Variants in PTCH1 observed in about 807,000 individuals in gnomAD.
PTCH1 encodes patched 1.
PTCH1 carries 14 observed loss-of-function variants against 144.6 expected under a neutral mutation model. The observed-to-expected ratio is 0.10, with a 90% CI of 0.06 to 0.15. PTCH1 has a LOEUF of 0.15. Among genes scored for constraint, PTCH1 ranks in the 10% least tolerant of loss-of-function variants. The probability of loss-of-function intolerance (pLI) is 1.00; values close to 1 mark genes in which losing one functional copy is unlikely to be tolerated. For synonymous variants in PTCH1, 833 were observed against 793.6 expected (o/e 1.05, Z -0.83); for missense variants, 1,623 against 1,948.3 (o/e 0.83, Z 3.14).
intron 12 of PTCH1, 83 bp downstream of exon 12, chr9:95,475,951 C>A (rs1039429741): frequency 1.7e-5 from 27 of 1,596,778 alleles, no homozygotes; most frequent in Non-Finnish European, 2.3e-5. Context: ...AACTGAAGTG[C>A]CTTAGCAGAG....
At chr9:95,499,980 G>A (rs979431730) in intron 2 of PTCH1, among the ~76,000 whole-genome samples, 1 of 151,956 alleles carries the variant, frequency 6.6e-6, no homozygotes, top group Non-Finnish European at 1.5e-5. Flanking sequence ...CAGCTTGCCC[G>A]AGTGGACAGA....
Position 95,446,227 on chromosome 9 carries a change from A to G in PTCH1, c.*166T>C. 1 of 392,404 alleles carries G rather than the reference A, an allele frequency of 2.5e-6. No homozygotes were observed. Among genetic ancestry groups the G allele is most frequent in the South Asian group, 1.9e-5 (1 of 52,144 alleles). The allele number at this position is 392,404 out of a possible 1,614,324, so 24.3% of individuals were successfully genotyped here. A position where few individuals can be genotyped will look rare whatever the true frequency, so the allele number is the denominator to read the frequency against. On this transcript the variant is annotated 3_prime_UTR_variant, in exon 24 of 24. Transcript: ENST00000331920. ...TGTACATCTCTTAAATATTTATAGA[A>G]ATATTTAACAAAATAATACAATCGG...
intron 12 of PTCH1, among the ~76,000 whole-genome samples, chr9:95,470,184 T>G (rs1475148759): frequency 1.3e-5 from 2 of 152,204 alleles, no homozygotes; most frequent in African/African-American, 4.8e-5. Flanking sequence ...ACCTGGGAAC[T>G]AAACTACTAA....
chr9:95,492,204 A>G (rs926451086), intron 2 of PTCH1, among the ~76,000 whole-genome samples: 20 of 152,230 alleles, frequency 1.3e-4, no homozygotes, highest in Admixed American at 1.3e-3. Context: ...TTGCAGGTGG[A>G]GACCGGAAGC....
chr9:95,489,160 C>T (rs967015174), intron 2 of PTCH1, among the ~76,000 whole-genome samples: 7 of 152,188 alleles, frequency 4.6e-5, no homozygotes, highest in African/African-American at 1.7e-4. Flanking sequence ...TTTACTGACT[C>T]GTCTGACATT....
At chr9:95,464,276 A>G (rs1839806849) in intron 15 of PTCH1, among the ~76,000 whole-genome samples, 1 of 152,170 alleles carries the variant, frequency 6.6e-6, no homozygotes, top group Non-Finnish European at 1.5e-5. Context: ...ACAAGGTACG[A>G]CCCTGGATAC....
At chr9:95,459,806 G>T (rs1409661598) in intron 16 of PTCH1, 23 bp from the exon 17 acceptor site, 1 of 1,613,132 alleles carries the variant, frequency 6.2e-7, no homozygotes, top group East Asian at 2.2e-5. Context: ...GAAGAACAGA[G>T]GCCTTTGAGA....
chr9:95,455,259 A>C (rs1838810414), intron 19 of PTCH1, among the ~76,000 whole-genome samples: 1 of 152,240 alleles, frequency 6.6e-6, no homozygotes, highest in African/African-American at 2.4e-5. Context: ...GTATCACAGT[A>C]GCCCTGGAAA....
chr9:95,486,387 G>A (rs1841966811), intron 2 of PTCH1, among the ~76,000 whole-genome samples: 1 of 152,258 alleles, frequency 6.6e-6, no homozygotes. Context: ...GCCAGGAGAA[G>A]ATAAATAAAG....
Position 95,508,728 on chromosome 9 carries a change from G to A in PTCH1, c.-367C>T, listed in dbSNP as rs1053198402. ...CGGGCGCTTCCGCGGCACTCCTTGC[G>A]GTCCCCAACTCCCCCTACCCGCCCC... On this transcript the variant is annotated 5_prime_UTR_variant, in exon 1 of 24. Transcript: ENST00000331920. The A allele has an allele frequency of 2.0e-6, 2 of 986,192 alleles. No individual in the cohort carries two copies. The highest frequency in any genetic ancestry group is 1.7e-5 in the African/African-American group (1 of 57,186). 61.1% of individuals were successfully genotyped at this position (986,192 alleles called of 1,614,324 possible).
In PTCH1 at chr9:95,443,776, A is replaced by G. The variant is rs1204954774; in HGVS notation, c.*2617T>C. ...CAAAAATAAATCTTCATATAAATAA[A>G]TTATATGGCATACTTTTATCTTTGT... On this transcript the variant is annotated 3_prime_UTR_variant, in exon 24 of 24. Coordinates refer to ENST00000331920, the MANE Select transcript of PTCH1 (RefSeq NM_000264.5). The G allele has an allele frequency of 6.6e-6, 1 of 152,646 alleles. No homozygotes were observed. The highest frequency in any genetic ancestry group is 2.4e-5 in the African/African-American group (1 of 41,456). The allele number at this position is 152,646 out of a possible 1,614,324, so 9.5% of individuals were successfully genotyped here.
chr9:95,475,700 A>G (rs1840971905), intron 12 of PTCH1, among the ~76,000 whole-genome samples: 1 of 152,122 alleles, frequency 6.6e-6, no homozygotes, highest in African/African-American at 2.4e-5. Context: ...GATGGCCCAG[A>G]AGCTGGCTGC....
intron 2 of PTCH1, among the ~76,000 whole-genome samples, chr9:95,491,497 C>G (rs1842407473): frequency 6.6e-6 from 1 of 152,206 alleles, no homozygotes; most frequent in African/African-American, 2.4e-5. Flanking sequence ...GTCAGTTCAC[C>G]CATGCCTTTG....
chr9:95,469,731 T>G, intron 13 of PTCH1, 82 bp downstream of exon 13: 1 of 1,332,004 alleles, frequency 7.5e-7, no homozygotes, highest in Non-Finnish European at 1.1e-6. Flanking sequence ...CCACATTCCT[T>G]TATAAGTCCA....
intron 12 of PTCH1, among the ~76,000 whole-genome samples, chr9:95,470,894 A>C (rs2118125065): frequency 6.6e-6 from 1 of 152,310 alleles, no homozygotes; most frequent in Admixed American, 6.5e-5. Flanking sequence ...ATCCTGGCTA[A>C]CACGGTGAAA....
rs55989544 is a variant in PTCH1 at position 95,453,772 on chromosome 9, C to T, written c.3307-152G>A. On this transcript the variant is annotated intron_variant, in intron 19 of 23. Coordinates refer to ENST00000331920, the MANE Select transcript of PTCH1 (RefSeq NM_000264.5). The stretch of plus-strand genomic sequence containing the variant: ...AATCAGAGTAGCTCAACTAGCAGCA[C>T]CTAGACTTAAACTAAGATGACCTCT... 5.0e-3 allele frequency: 5,198 copies of T among 1,038,322 alleles called. 152 individuals carry two copies. In the African/African-American group the frequency reaches 0.071, roughly 14 times the overall value. The allele number at this position is 1,038,322 out of a possible 1,614,324, so 64.3% of individuals were successfully genotyped here.
intron 2 of PTCH1, among the ~76,000 whole-genome samples, chr9:95,502,962 A>C (rs1843259287): frequency 6.6e-6 from 1 of 152,166 alleles, no homozygotes; most frequent in Non-Finnish European, 1.5e-5. Flanking sequence ...GGATATGCAG[A>C]ATAAGACAAT....
rs2136564771 is a variant in PTCH1, at chr9:95,446,114, G to A, written c.*279C>T. 1.6e-5 allele frequency: 4 copies of A among 250,946 alleles called. No individual in the cohort carries two copies. The highest frequency in any genetic ancestry group is 1.6e-4 in the South Asian group (3 of 19,114). The allele number at this position is 250,946 out of a possible 1,614,324, so 15.5% of individuals were successfully genotyped here. A position where few individuals can be genotyped will look rare whatever the true frequency, so the allele number is the denominator to read the frequency against. ...GAGCCCAATGCACAAATACGGAGAG[G>A]CCCCACTGTGGCCTCCACACTCTGG... On this transcript the variant is annotated 3_prime_UTR_variant, in exon 24 of 24. Transcript: ENST00000331920.
chr9:95,466,836 C>T (rs906334716), intron 15 of PTCH1, among the ~76,000 whole-genome samples: 2 of 152,280 alleles, frequency 1.3e-5, no homozygotes, highest in Middle Eastern at 3.4e-3. Flanking sequence ...CCAGAAGCCT[C>T]GGCTCCACCT....
Sources: allele counts gnomAD v4.1 joint callset (sites outside exome capture counted in the v4.1 genomes callset), GRCh38; gene constraint gnomAD v4.1.1; transcripts MANE v1.5; gene names NCBI Gene and HGNC (gene_info 2026-07-23, HGNC 2026-07-21).